Variants in PARD3 observed in about 807,000 individuals in gnomAD.
PARD3 encodes the protein partitioning defective 3 homolog.
A neutral mutation model predicts 155.4 loss-of-function variants in PARD3; 75 were observed. The observed-to-expected ratio is 0.48, with a 90% CI of 0.40 to 0.58. PARD3 has a LOEUF of 0.58. Ranked by LOEUF, PARD3 falls within the 20% of genes least tolerant of loss-of-function variation. The pLI, the probability that PARD3 is intolerant of heterozygous loss-of-function variation, is 0.00. For missense variants in PARD3, 1,642 were observed against 1,721.7 expected, an observed-to-expected ratio of 0.95 and a Z score of 0.82; for synonymous variants, 576 against 610.5, an observed-to-expected ratio of 0.94 and a Z score of 0.83.
intron 2 of PARD3, among the ~76,000 whole-genome samples, chr10:34,525,614 G>C (rs2133741072): frequency 6.6e-6 from 1 of 152,144 alleles, no homozygotes; most frequent in South Asian, 2.1e-4. Flanking sequence ...CAATTCATAT[G>C]TTTACGTGTA....
At chr10:34,247,953 C>T (rs751956755) in intron 22 of PARD3, among the ~76,000 whole-genome samples, 4 of 152,232 alleles carry the variant, frequency 2.6e-5, no homozygotes, top group South Asian at 4.2e-4. Flanking sequence ...GTGCTTTGTA[C>T]TGATAAGTAA....
chr10:34,346,344 T>A, intron 15 of PARD3: 1 of 1,284,676 alleles, frequency 7.8e-7, no homozygotes, highest in Non-Finnish European at 1.0e-6. Flanking sequence ...TGAGTTTTAG[T>A]TTTAGTTTTT....
At chr10:34,331,433 A>G in intron 18 of PARD3, 89 bp from the exon 19 acceptor site, 2 of 730,290 alleles carry the variant, frequency 2.7e-6, no homozygotes, top group Admixed American at 4.7e-5. Flanking sequence ...CAGGTACATA[A>G]CAATTATTTG....
At position 34,342,947 on chromosome 10, in the gene PARD3, T is replaced by C. The variant is rs957315385; in HGVS notation, c.2219-1131A>G. 4.6e-5 allele frequency among the ~76,000 whole-genome samples: 7 copies of C among 152,338 alleles called. No homozygotes were observed. The East Asian group carries it at 1.2e-3, about 25-fold the overall frequency. ...ACAAACTATGAAAATTAACAGCTTA[T>C]ATAAATGCTAATGATAAAAATGTAA... On this transcript the variant is annotated intron_variant, in intron 15 of 24. Transcript: ENST00000374788.
At chr10:34,464,288 T>A (rs1159623004) in intron 4 of PARD3, among the ~76,000 whole-genome samples, 1 of 152,108 alleles carries the variant, frequency 6.6e-6, no homozygotes, top group Non-Finnish European at 1.5e-5. Context: ...CTTTAAGCTA[T>A]CTAGTAAGAC....
At chr10:34,389,781 C>A (rs991763679) in intron 7 of PARD3, among the ~76,000 whole-genome samples, 14 of 151,778 alleles carry the variant, frequency 9.2e-5, no homozygotes, top group South Asian at 2.1e-4. Flanking sequence ...AGCATGGACA[C>A]CAAAAGGAGA....
intron 24 of PARD3, among the ~76,000 whole-genome samples, chr10:34,112,160 G>A (rs2132623093): frequency 6.6e-6 from 1 of 152,330 alleles, no homozygotes; most frequent in East Asian, 1.9e-4. Flanking sequence ...GTGTATGTCA[G>A]CAACTTACAC....
At chr10:34,736,100 C>A (rs551820900) in intron 1 of PARD3, among the ~76,000 whole-genome samples, 4 of 152,030 alleles carry the variant, frequency 2.6e-5, no homozygotes, top group Non-Finnish European at 4.4e-5. Flanking sequence ...GGCGCGATCT[C>A]GGCTAGCTGC....
intron 2 of PARD3, among the ~76,000 whole-genome samples, chr10:34,519,023 A>G (rs1361706764): frequency 6.6e-6 from 1 of 152,226 alleles, no homozygotes; most frequent in Non-Finnish European, 1.5e-5. Flanking sequence ...CCAAAAATGT[A>G]TAACGTCCAT....
intron 3 of PARD3, among the ~76,000 whole-genome samples, chr10:34,471,000 T>C (rs1333831185): frequency 6.6e-6 from 1 of 152,140 alleles, no homozygotes; most frequent in Non-Finnish European, 1.5e-5. Context: ...TACATAAAAT[T>C]ATGTATCAAT....
At chr10:34,448,353 A>G (rs192672522) in intron 5 of PARD3, among the ~76,000 whole-genome samples, 21 of 151,976 alleles carry the variant, frequency 1.4e-4, no homozygotes, top group African/African-American at 5.1e-4. Flanking sequence ...AACTCATGCT[A>G]ACAGAGTACG....
At chr10:34,670,910 T>C (rs2133243269) in intron 2 of PARD3, among the ~76,000 whole-genome samples, 1 of 152,330 alleles carries the variant, frequency 6.6e-6, no homozygotes, top group South Asian at 2.1e-4. Flanking sequence ...AAGACAAGAA[T>C]ACATTTCTAC....
At chr10:34,683,850 T>C (rs1291869183) in intron 2 of PARD3, among the ~76,000 whole-genome samples, 1 of 152,140 alleles carries the variant, frequency 6.6e-6, no homozygotes, top group African/African-American at 2.4e-5. Flanking sequence ...GGCCCTGTGC[T>C]CCCACAAATT....
chr10:34,668,641 T>A (rs953837689), intron 2 of PARD3, among the ~76,000 whole-genome samples: 1 of 152,184 alleles, frequency 6.6e-6, no homozygotes, highest in African/African-American at 2.4e-5. Flanking sequence ...CAAAGATATA[T>A]CTTATGGTAC....
chr10:34,210,380 GC>G (rs1418396541), intron 22 of PARD3, among the ~76,000 whole-genome samples: 1 of 152,134 alleles, frequency 6.6e-6, no homozygotes, highest in Non-Finnish European at 1.5e-5. Flanking sequence ...CTAGTGAATT[GC>G]CCCACATACT....
chr10:34,521,340 A>G (rs553683061), intron 2 of PARD3, among the ~76,000 whole-genome samples: 7 of 148,840 alleles, frequency 4.7e-5, no homozygotes, highest in East Asian at 4.0e-4. Flanking sequence ...AATCTACTCT[A>G]TAAGAATGCA....
chr10:34,405,407 A>C (rs918838110), intron 5 of PARD3, among the ~76,000 whole-genome samples: 1 of 152,178 alleles, frequency 6.6e-6, no homozygotes, highest in Non-Finnish European at 1.5e-5. Context: ...ACTCGATCAA[A>C]TAAAAAACAT....
chr10:34,360,330 G>T, intron 12 of PARD3, 71 bp from the exon 13 acceptor site: 1 of 1,123,782 alleles, frequency 8.9e-7, no homozygotes. Context: ...TTTAAAGACT[G>T]CTAATGAGCA....
intron 21 of PARD3, among the ~76,000 whole-genome samples, chr10:34,274,758 T>C (rs1955796525): frequency 6.6e-6 from 1 of 152,192 alleles, no homozygotes; most frequent in Admixed American, 6.6e-5. Flanking sequence ...CTAAACTCTA[T>C]GATACATCTA....
Sources: gnomAD v4.1 joint callset for allele counts (sites outside exome capture counted in the v4.1 genomes callset) on GRCh38, gnomAD v4.1.1 for gene constraint, MANE v1.5 for transcripts, NCBI Gene and HGNC (gene_info 2026-07-23, HGNC 2026-07-21) for gene names.